Variants in HIP1 observed in about 807,000 individuals in gnomAD.
HIP1 encodes the protein huntingtin-interacting protein 1.
HIP1 carries 65 observed loss-of-function variants against 147.6 expected under a neutral mutation model. The ratio of observed to expected loss-of-function variants is 0.44; its 90% CI spans 0.36 to 0.54. HIP1 has a LOEUF of 0.54. HIP1 is among the 20% of genes least tolerant of loss of function. HIP1 has a pLI of 0.00. For missense variants in HIP1, 1,061 were observed against 1,299.6 expected, an observed-to-expected ratio of 0.82 and a Z score of 2.82; for synonymous variants, 479 against 504.0, an observed-to-expected ratio of 0.95 and a Z score of 0.67.
chr7:75,633,827 C>T (rs1554509278), intron 1 of HIP1, among the ~76,000 whole-genome samples: 1 of 152,186 alleles, frequency 6.6e-6, no homozygotes, highest in Admixed American at 6.6e-5. Flanking sequence ...GCTCTGCCAT[C>T]AATATCATTT....
chr7:75,718,925 C>T (rs1488119729), intron 1 of HIP1, among the ~76,000 whole-genome samples: 1 of 152,196 alleles, frequency 6.6e-6, no homozygotes, highest in East Asian at 1.9e-4. Flanking sequence ...GCCCAGATAT[C>T]CCTCAACTCA....
chr7:75,666,672 C>T (rs781888592), intron 1 of HIP1, among the ~76,000 whole-genome samples: 1 of 151,954 alleles, frequency 6.6e-6, no homozygotes, highest in East Asian at 1.9e-4. Context: ...AAGGGAGATG[C>T]GAGAAGGATG....
At chr7:75,612,356 A>C (rs1008407883) in intron 1 of HIP1, among the ~76,000 whole-genome samples, 2 of 151,902 alleles carry the variant, frequency 1.3e-5, no homozygotes, top group Non-Finnish European at 1.5e-5. Context: ...CTAAAAATAC[A>C]AAATTAGCCA....
Position 75,536,991 on chromosome 7 carries a change from G to A in HIP1, c.*1181C>T, listed in dbSNP as rs782336774. On this transcript the variant is annotated 3_prime_UTR_variant, in exon 31 of 31. Coordinates refer to ENST00000336926, the MANE Select transcript of HIP1 (RefSeq NM_005338.7). ...TTGTCAATTGCGTAGAAGGTGGAAC[G>A]ATCTTCCTATTCAAGAGGATGCCAA... 1 of 231,874 alleles carries A rather than the reference G, an allele frequency of 4.3e-6. No individual in the cohort carries two copies. Among genetic ancestry groups the A allele is most frequent in the African/African-American group, 2.2e-5 (1 of 45,226 alleles). 14.4% of individuals were successfully genotyped at this position (231,874 alleles called of 1,614,324 possible).
At chr7:75,682,698 T>TA (rs1438725553) in intron 1 of HIP1, among the ~76,000 whole-genome samples, 3 of 152,028 alleles carry the variant, frequency 2.0e-5, no homozygotes, top group Non-Finnish European at 4.4e-5. Flanking sequence ...CTGGAATGCT[T>TA]AAAAAAAGCA....
intron 1 of HIP1, among the ~76,000 whole-genome samples, chr7:75,734,969 T>A (rs147759493): frequency 6.6e-6 from 1 of 152,258 alleles, no homozygotes; most frequent in African/African-American, 2.4e-5. Flanking sequence ...AAGGAAGAGT[T>A]AATCACAGCC....
intron 1 of HIP1, among the ~76,000 whole-genome samples, chr7:75,661,025 T>A (rs1554513512): frequency 6.6e-6 from 1 of 152,034 alleles, no homozygotes; most frequent in African/African-American, 2.4e-5. Context: ...ACGCCTGTAA[T>A]GCTAACACTT....
intron 1 of HIP1, among the ~76,000 whole-genome samples, chr7:75,683,517 C>T (rs1232754266): frequency 2.0e-5 from 3 of 152,092 alleles, no homozygotes; most frequent in African/African-American, 4.8e-5. Context: ...CAGATGCACC[C>T]TGGGGAAGCT....
chr7:75,615,461 A>G (rs587745554), intron 1 of HIP1, among the ~76,000 whole-genome samples: 3 of 151,082 alleles, frequency 2.0e-5, no homozygotes, highest in Non-Finnish European at 4.4e-5. Flanking sequence ...CTGAGGCAGG[A>G]GGATTGCTTG....
At chr7:75,658,933 A>G (rs369444663) in intron 1 of HIP1, among the ~76,000 whole-genome samples, 1 of 152,156 alleles carries the variant, frequency 6.6e-6, no homozygotes, top group East Asian at 1.9e-4. Context: ...AAACAAACAA[A>G]GAAAAAACAG....
At chr7:75,641,509 G>C (rs1373138782) in intron 1 of HIP1, among the ~76,000 whole-genome samples, 1 of 118,800 alleles carries the variant, frequency 8.4e-6, no homozygotes. Context: ...TTTTTTCTTT[G>C]AGACAAAGTC....
chr7:75,617,758 C>T (rs1235957025), intron 1 of HIP1, among the ~76,000 whole-genome samples: 1 of 152,172 alleles, frequency 6.6e-6, no homozygotes, highest in Non-Finnish European at 1.5e-5. Flanking sequence ...AGGGGCTCCT[C>T]CCTTGTAAGG....
rs587599985 is a variant in HIP1, at chr7:75,611,895, C to T, written c.121-12648G>A. On this transcript the variant is annotated intron_variant, in intron 1 of 30. Transcript: ENST00000336926. The stretch of plus-strand genomic sequence containing the variant: ...TTCTCCCAGCCTCTCTTCCTCCCTC[C>T]CCAGCACTCCCCATCCTCCGCTCGC... The T allele has an allele frequency of 8.8e-4, 894 of 1,010,180 alleles. 9 individuals carry two copies. The South Asian group carries it at 0.017, about 19-fold the overall frequency. The allele number at this position is 1,010,180 out of a possible 1,614,324, so 62.6% of individuals were successfully genotyped here.
intron 1 of HIP1, among the ~76,000 whole-genome samples, chr7:75,620,419 G>A (rs1045172798): frequency 3.3e-5 from 5 of 151,048 alleles, no homozygotes; most frequent in Non-Finnish European, 1.5e-5. Flanking sequence ...AGGCACAATG[G>A]CTCATGCCTG....
chr7:75,554,060 A>T (rs2116800313), intron 21 of HIP1, 53 bp downstream of exon 21: 2 of 1,406,622 alleles, frequency 1.4e-6, no homozygotes, highest in East Asian at 4.7e-5. Flanking sequence ...GAGACTTTTA[A>T]AGGCCCCCTG....
intron 1 of HIP1, among the ~76,000 whole-genome samples, chr7:75,658,635 G>T (rs1318864353): frequency 6.6e-6 from 1 of 151,852 alleles, no homozygotes; most frequent in Non-Finnish European, 1.5e-5. Flanking sequence ...ACAGCAGGAG[G>T]CCAGGCGCCG....
rs11980824 is a variant in HIP1 at position 75,559,038 on chromosome 7, A to G, written c.1375+694T>C. Among the ~76,000 whole-genome samples, 983 of 152,280 alleles carry G rather than the reference A, an allele frequency of 6.5e-3. 13 individuals are homozygous for G. The highest frequency in any genetic ancestry group is 0.023 in the African/African-American group (939 of 41,560). ...CACCTCAAAAAAATAAAACAAATAAATAATCAAGCCAGGGATTCATGCCTC... is the reference window on the plus strand; with the variant it reads ...CACCTCAAAAAAATAAAACAAATAAGTAATCAAGCCAGGGATTCATGCCTC... On this transcript the variant is annotated intron_variant, in intron 14 of 30. Transcript: ENST00000336926.
At chr7:75,709,469 T>G (rs1186314595) in intron 1 of HIP1, among the ~76,000 whole-genome samples, 1 of 152,216 alleles carries the variant, frequency 6.6e-6, no homozygotes, top group Non-Finnish European at 1.5e-5. Context: ...TTAATTTCCT[T>G]TTCAGATCGT....
At chr7:75,695,133 T>C (rs1180170972) in intron 1 of HIP1, among the ~76,000 whole-genome samples, 1 of 152,244 alleles carries the variant, frequency 6.6e-6, no homozygotes, top group Non-Finnish European at 1.5e-5. Context: ...ATGTTTATAT[T>C]AGCAGTGAGG....
Sources: allele counts gnomAD v4.1 joint callset (sites outside exome capture counted in the v4.1 genomes callset), GRCh38; gene constraint gnomAD v4.1.1; transcripts MANE v1.5; gene names NCBI Gene and HGNC (gene_info 2026-07-23, HGNC 2026-07-21).